HTT: variants seen among roughly 807,000 people sequenced by gnomAD.
HTT encodes huntington disease protein.
HTT carries 104 observed loss-of-function variants against 362.3 expected under a neutral mutation model. The observed-to-expected ratio is 0.29, with a 90% CI of 0.24 to 0.34. HTT has a LOEUF of 0.34. Among genes scored for constraint, HTT ranks in the 10% least tolerant of loss-of-function variants. The pLI, the probability that HTT is intolerant of heterozygous loss-of-function variation, is 1.00. For missense variants in HTT, 3,301 were observed against 3,928.6 expected (o/e 0.84, Z 4.27); for synonymous variants, 1,577 against 1,548.7 (o/e 1.02, Z -0.43).
rs1369599005 is a variant in HTT at position 3,236,262 on chromosome 4, G to A, written c.8891+8G>A. On this transcript the variant is annotated splice_region_variant and intron_variant, in intron 64 of 66. Coordinates refer to ENST00000355072, the MANE Select transcript of HTT (RefSeq NM_001388492.1). ...ATCTGTTCTTTTTGATAGGTAAGAA[G>A]CGAAGCCCCATCCCTCAGCCGTTAG... 1 of 1,583,066 alleles carries A rather than the reference G, an allele frequency of 6.3e-7. No homozygotes were observed. The highest frequency in any genetic ancestry group is 2.2e-5 in the East Asian group (1 of 44,732).
At chr4:3,163,010 C>T (rs893858508) in intron 29 of HTT, among the ~76,000 whole-genome samples, 4 of 152,102 alleles carry the variant, frequency 2.6e-5, no homozygotes, top group Admixed American at 6.5e-5. Context: ...TGCCGGTTTT[C>T]GAAGGGAATG....
chr4:3,233,624 G>A (rs1302903187), intron 61 of HTT, among the ~76,000 whole-genome samples: 1 of 152,194 alleles, frequency 6.6e-6, no homozygotes, highest in African/African-American at 2.4e-5. Flanking sequence ...GCCCATTCCT[G>A]ACTCTGCTCT....
chr4:3,150,559 A>G (rs1298471984), intron 26 of HTT, among the ~76,000 whole-genome samples: 5 of 152,016 alleles, frequency 3.3e-5, no homozygotes, highest in Non-Finnish European at 4.4e-5. Flanking sequence ...CCCCTGCCCC[A>G]TTTACCCCAC....
At position 3,172,339 on chromosome 4, in the gene HTT, G is replaced by A; in HGVS notation, c.3884G>A (p.Gly1295Glu). Reference sequence around the variant, plus strand: ...CTACAGTGTGTTGAAGAGATCCTAGGATACCTGAAATCCTGCTTTAGTCGA... The same window carrying A: ...CTACAGTGTGTTGAAGAGATCCTAGAATACCTGAAATCCTGCTTTAGTCGA... ...DIGKCVEEIL[G>E]YLKSCFSREP... Residue 1295 changes from glycine to glutamate, a missense_variant, in exon 30 of 67, where the codon GGA becomes GAA. By Grantham distance (98) the Gly-to-Glu change is moderately conservative (BLOSUM62 -2). This residue lies in a region of HTT where 2,316 missense variants were observed against 2,658.5 expected (regional missense o/e 0.87). Transcript: ENST00000355072. 6.2e-7 allele frequency: 1 copy of A among 1,607,188 alleles called. No individual in the cohort carries two copies. Among genetic ancestry groups the A allele is most frequent in the Non-Finnish European group, 8.5e-7 (1 of 1,173,706 alleles).
At position 3,235,394 on chromosome 4, in the gene HTT, T is replaced by C; in HGVS notation, c.8567T>C (p.Ile2856Thr). ...GGGCCGGAATTTTCAGCATCAATAA[T>C]ACAGGTGAGTGGGCCCTGGCTGTCT... ...DVGPEFSASI[I>T]QMCGVMLSGS... The change falls in exon 62 of 67, where the codon ATA (isoleucine) becomes ACA (threonine). Residue 2856 changes from isoleucine (I) to threonine (T), a missense_variant. Physicochemically the swap from Ile to Thr is moderately conservative, Grantham distance 89. This residue lies in a region of HTT where 753 missense variants were observed against 1,021.3 expected (regional missense o/e 0.74). Transcript: ENST00000355072. The C allele has an allele frequency of 6.3e-7, 1 of 1,595,620 alleles. No homozygotes were observed. The highest frequency in any genetic ancestry group is 8.6e-7 in the Non-Finnish European group (1 of 1,163,068).
intron 38 of HTT, among the ~76,000 whole-genome samples, chr4:3,187,205 G>T (rs1718807258): frequency 6.6e-6 from 1 of 151,140 alleles, no homozygotes; most frequent in Admixed American, 6.6e-5. Context: ...ACCCAGGCTG[G>T]AGTACAGTGG....
chr4:3,148,753 G>A (rs1716734964), intron 26 of HTT, among the ~76,000 whole-genome samples: 2 of 152,256 alleles, frequency 1.3e-5, no homozygotes, highest in African/African-American at 2.4e-5. Context: ...AGCCGAGATC[G>A]TGCCACTGCA....
chr4:3,183,320 G>C (rs1304211095), intron 37 of HTT, among the ~76,000 whole-genome samples: 1 of 152,232 alleles, frequency 6.6e-6, no homozygotes, highest in African/African-American at 2.4e-5. Flanking sequence ...TGTGCCCCCA[G>C]TGTAGCAGCA....
intron 50 of HTT, among the ~76,000 whole-genome samples, chr4:3,214,339 C>T (rs1720295366): frequency 6.6e-6 from 1 of 152,104 alleles, no homozygotes; most frequent in Non-Finnish European, 1.5e-5. Flanking sequence ...CTGGAATTTG[C>T]TTTTTTAGTC....
At chr4:3,112,578 C>A (rs1056545774) in intron 6 of HTT, among the ~76,000 whole-genome samples, 1 of 152,164 alleles carries the variant, frequency 6.6e-6, no homozygotes, top group Non-Finnish European at 1.5e-5. Flanking sequence ...TCTATATTAT[C>A]GTGTGTATTA....
At position 3,143,610 on chromosome 4, in the gene HTT, AT is replaced by A. The variant is rs973884563; in HGVS notation, c.3066+734del. On this transcript the variant is annotated intron_variant, in intron 23 of 66. Coordinates refer to ENST00000355072, the MANE Select transcript of HTT (RefSeq NM_001388492.1). The stretch of plus-strand genomic sequence containing the variant: ...ACATTTTTATTTTTTTAATTTTATT[AT>A]TTTTTTTTTGAGACAGAGTTTTGCT... 2.0e-4 allele frequency among the ~76,000 whole-genome samples: 26 copies of A among 132,780 alleles called. 1 individual carries two copies. Among genetic ancestry groups the A allele is most frequent in the South Asian group, 1.8e-3 (7 of 3,994 alleles). The allele number at this position is 132,780 out of a possible 152,430, so 87.1% of individuals were successfully genotyped here.
intron 19 of HTT, 80 bp from the exon 20 acceptor site, chr4:3,135,824 A>T: frequency 8.8e-7 from 1 of 1,137,458 alleles, no homozygotes; most frequent in Non-Finnish European, 1.3e-6. Flanking sequence ...CACCTGGATG[A>T]GCCTGCTCTG....
At chr4:3,102,631 C>T (rs1387800489) in intron 3 of HTT, among the ~76,000 whole-genome samples, 1 of 152,154 alleles carries the variant, frequency 6.6e-6, no homozygotes, top group African/African-American at 2.4e-5. Context: ...TTACGAAGAC[C>T]ATCTCAGTCC....
Position 3,240,119 on chromosome 4 carries a change from GC to G in HTT, c.*63del. The stretch of plus-strand genomic sequence containing the variant: ...GGGGCCGGAGCCTTTGGAAGTCTGC[GC>G]CCTTGTGCCCTGCCTCCACCGAGCC... On this transcript the variant is annotated 3_prime_UTR_variant, in exon 67 of 67. Transcript: ENST00000355072. The G allele has an allele frequency of 1.4e-6, 2 of 1,394,246 alleles. No homozygotes were observed. Among genetic ancestry groups the G allele is most frequent in the South Asian group, 2.5e-5 (2 of 79,796 alleles). 86.4% of individuals were successfully genotyped at this position (1,394,246 alleles called of 1,614,324 possible).
In HTT at chr4:3,199,935, C is replaced by A. The variant is rs761996912; in HGVS notation, c.5572C>A (p.Pro1858Thr). Residue 1858 changes from proline (P) to threonine (T), a missense_variant, in exon 41 of 67, where the codon CCG becomes ACG. Pro to Thr is a conservative substitution (Grantham distance 38, BLOSUM62 -1). This residue lies in a region of HTT where 2,316 missense variants were observed against 2,658.5 expected (regional missense o/e 0.87). Coordinates refer to ENST00000355072, the MANE Select transcript of HTT (RefSeq NM_001388492.1). Reference sequence around the variant, plus strand: ...CTGGTGGGCAGAAGTGCAGCAGACCCCGAAGTAGGTTCATAATGCCCCACA... The same window carrying A: ...CTGGTGGGCAGAAGTGCAGCAGACCACGAAGTAGGTTCATAATGCCCCACA... ...YRWWAEVQQT[P>T]KRHSLSSTKL... 1 of 1,612,526 alleles carries A rather than the reference C, an allele frequency of 6.2e-7. No individual in the cohort carries two copies. The highest frequency in any genetic ancestry group is 1.7e-5 in the Admixed American group (1 of 59,824).
chr4:3,139,990 T>G (rs961400115), intron 21 of HTT, among the ~76,000 whole-genome samples: 11 of 151,988 alleles, frequency 7.2e-5, no homozygotes, highest in African/African-American at 2.4e-4. Context: ...GCGTGGGGGC[T>G]CACGCCTGTA....
At chr4:3,187,317 G>A (rs1306294108) in intron 38 of HTT, among the ~76,000 whole-genome samples, 1 of 151,644 alleles carries the variant, frequency 6.6e-6, no homozygotes, top group Non-Finnish European at 1.5e-5. Context: ...CACTGTGCCC[G>A]GCTAATTTTT....
Position 3,218,366 on chromosome 4 carries a change from C to G in HTT, c.7242+414C>G, listed in dbSNP as rs938660998. Among the ~76,000 whole-genome samples the G allele has an allele frequency of 4.6e-5, 7 of 152,202 alleles. No homozygotes were observed. The South Asian group carries it at 6.2e-4, about 14-fold the overall frequency. On this transcript the variant is annotated intron_variant, in intron 52 of 66. Coordinates refer to ENST00000355072, the MANE Select transcript of HTT (RefSeq NM_001388492.1). This position sits in a 1 kb window ranked among gnomAD's most constrained non-coding sequence, Gnocchi z 4.4. ...TAGGTGTTATTGCCAGGCGCAGTAG[C>G]TCATGCCTGTAATCCCAGCACTTTG...
chr4:3,163,569 T>C (rs1717547266), intron 29 of HTT, among the ~76,000 whole-genome samples: 1 of 152,240 alleles, frequency 6.6e-6, no homozygotes, highest in Non-Finnish European at 1.5e-5. Flanking sequence ...TTTTGGTTAG[T>C]AGGCTATTAA....
Sources: gnomAD v4.1 joint callset for allele counts (sites outside exome capture counted in the v4.1 genomes callset) on GRCh38, gnomAD v4.1.1 for gene constraint, gnomAD v4.1.1 regional missense constraint, Gnocchi (gnomAD v3.1) non-coding constraint, MANE v1.5 for transcripts, NCBI Gene and HGNC (gene_info 2026-07-23, HGNC 2026-07-21) for gene names.